Variants in TENM2 observed in about 807,000 individuals in gnomAD.
TENM2 encodes teneurin transmembrane protein 2.
In TENM2, 52 loss-of-function variants were observed where a neutral mutation model predicts 245.2. The observed-to-expected ratio is 0.21, with a 90% CI of 0.17 to 0.27. The LOEUF (loss-of-function observed/expected upper bound fraction) is 0.27, where lower values mean the gene tolerates loss of function less well. Ranked by LOEUF, TENM2 falls within the 10% of genes least tolerant of loss-of-function variation. TENM2 has a pLI of 1.00. For missense variants in TENM2, 3,046 were observed against 3,666.8 expected (o/e 0.83, Z 4.37); for synonymous variants, 1,363 against 1,438.9 (o/e 0.95, Z 1.19).
At chr5:168,015,964 G>A (rs946818331) in intron 5 of TENM2, among the ~76,000 whole-genome samples, 2 of 152,240 alleles carry the variant, frequency 1.3e-5, no homozygotes, top group Non-Finnish European at 2.9e-5. Flanking sequence ...AGGTTGCACC[G>A]CTGGAGAGAA....
chr5:167,730,154 T>C lies in TENM2; in HGVS notation c.503-145832T>C, dbSNP rs575091104. On this transcript the variant is annotated intron_variant, in intron 2 of 28. Coordinates refer to ENST00000518659, the Ensembl canonical transcript of TENM2. Reference sequence around the variant, plus strand: ...AACCGGAACTACTGATAGCTGTTCCTGCAGTGCCGTTGTTCTCATTGGAGC... The same window carrying C: ...AACCGGAACTACTGATAGCTGTTCCCGCAGTGCCGTTGTTCTCATTGGAGC... Among the ~76,000 whole-genome samples, 39 of 152,324 alleles carry C rather than the reference T, an allele frequency of 2.6e-4. 1 individual carries two copies. In the South Asian group the frequency reaches 4.6e-3, roughly 18 times the overall value.
the TENM2 span, among the ~76,000 whole-genome samples, chr5:167,036,051 G>A: frequency 6.6e-6 from 1 of 152,116 alleles, no homozygotes; most frequent in Non-Finnish European, 1.5e-5. Context: ...CCAGATAATA[G>A]GATAGTGGCA....
the TENM2 span, among the ~76,000 whole-genome samples, chr5:167,183,792 C>T: frequency 1.3e-5 from 2 of 152,028 alleles, no homozygotes; most frequent in Non-Finnish European, 2.9e-5. Flanking sequence ...AAAAAAATGG[C>T]CACTTACTGA....
intron 13 of TENM2, chr5:168,186,772 C>T (rs1318346349): frequency 2.0e-5 from 3 of 152,262 alleles, no homozygotes; most frequent in African/African-American, 4.8e-5. Flanking sequence ...GGCCACCTCT[C>T]AGGTCCTGAA....
intron 25 of TENM2, among the ~76,000 whole-genome samples, chr5:168,234,078 C>T (rs560858281): frequency 6.6e-6 from 1 of 152,018 alleles, no homozygotes; most frequent in Non-Finnish European, 1.5e-5. Context: ...CCCTTCCATC[C>T]CATGGCAGGG....
At chr5:167,400,952 G>A (rs905330471) in intron 2 of TENM2, among the ~76,000 whole-genome samples, 9 of 152,050 alleles carry the variant, frequency 5.9e-5, no homozygotes, top group Admixed American at 3.3e-4. Context: ...AAGGCTGGGC[G>A]TGGTGGCTCA....
the TENM2 span, among the ~76,000 whole-genome samples, chr5:167,204,067 C>T: frequency 6.6e-6 from 1 of 151,466 alleles, no homozygotes; most frequent in Admixed American, 6.6e-5. Context: ...GACTGAAGAA[C>T]ATACAGATTT....
At chr5:168,154,973 G>A (rs1442505725) in intron 12 of TENM2, among the ~76,000 whole-genome samples, 1 of 152,096 alleles carries the variant, frequency 6.6e-6, no homozygotes, top group African/African-American at 2.4e-5. Flanking sequence ...CAGGTTCATG[G>A]CTGCGTGTCC....
chr5:167,461,186 T>C (rs1342805061), intron 2 of TENM2, among the ~76,000 whole-genome samples: 1 of 152,146 alleles, frequency 6.6e-6, no homozygotes, highest in Non-Finnish European at 1.5e-5. Context: ...TGTTTTTAAA[T>C]ATTAAGATAT....
chr5:167,162,654 A>G, the TENM2 span, among the ~76,000 whole-genome samples: 1 of 151,882 alleles, frequency 6.6e-6, no homozygotes, highest in East Asian at 1.9e-4. Flanking sequence ...AAAACAAAAA[A>G]AAAACCTCCT....
intron 3 of TENM2, among the ~76,000 whole-genome samples, chr5:167,923,622 T>C (rs992811592): frequency 3.3e-5 from 5 of 152,150 alleles, no homozygotes; most frequent in Admixed American, 6.5e-5. Flanking sequence ...GCATGGTAAA[T>C]GAATGCCACA....
chr5:167,394,551 A>C (rs1761946702), intron 2 of TENM2, among the ~76,000 whole-genome samples: 1 of 152,074 alleles, frequency 6.6e-6, no homozygotes, highest in African/African-American at 2.4e-5. Flanking sequence ...TAGACTTATA[A>C]ATAAATATAA....
the TENM2 span, among the ~76,000 whole-genome samples, chr5:167,242,052 T>G: frequency 5.3e-5 from 8 of 150,586 alleles, no homozygotes; most frequent in Non-Finnish European, 1.0e-4. Context: ...TTTTGTTTTT[T>G]TTTTTTTTTG....
intron 1 of TENM2, chr5:167,308,029 CGCTGTCTCTCTCCT>C (rs1755786039): frequency 1.3e-5 from 2 of 152,380 alleles, no homozygotes; most frequent in South Asian, 4.1e-4. Flanking sequence ...CCTCTTCATC[CGCTGTCTCTCTCCT>C]GCTGTTTCCT....
intron 12 of TENM2, among the ~76,000 whole-genome samples, chr5:168,141,641 C>G (rs1036166853): frequency 2.0e-5 from 3 of 152,156 alleles, no homozygotes; most frequent in Non-Finnish European, 4.4e-5. Context: ...TCAGCTCTTC[C>G]CAGTAGATCA....
intron 2 of TENM2, among the ~76,000 whole-genome samples, chr5:167,471,857 C>T (rs377559185): frequency 2.0e-5 from 3 of 152,294 alleles, no homozygotes; most frequent in East Asian, 1.9e-4. Flanking sequence ...GGAAAAAGAA[C>T]TAGATTAAGT....
Position 168,093,624 on chromosome 5 carries a change from G to C in TENM2, c.1711+2855G>C, listed in dbSNP as rs188336633. Among the ~76,000 whole-genome samples, 6 of 152,278 alleles carry C rather than the reference G, an allele frequency of 3.9e-5. No individual in the cohort carries two copies. In the East Asian group the frequency reaches 1.2e-3, roughly 29 times the overall value. ...GATGTGTTTTGGAGAGAAGCAGCCTGCTTTCAGAAACAAGTTTCTTCTCGA... is the reference window on the plus strand; with the variant it reads ...GATGTGTTTTGGAGAGAAGCAGCCTCCTTTCAGAAACAAGTTTCTTCTCGA... On this transcript the variant is annotated intron_variant, in intron 8 of 28. Transcript: ENST00000518659.
At chr5:167,972,839 T>C (rs568203422) in intron 4 of TENM2, among the ~76,000 whole-genome samples, 24 of 152,274 alleles carry the variant, frequency 1.6e-4, no homozygotes, top group African/African-American at 5.8e-4. Context: ...GAAATGCCAA[T>C]ACCTCTTCTT....
intron 5 of TENM2, among the ~76,000 whole-genome samples, chr5:168,042,662 G>A (rs948426152): frequency 2.0e-5 from 3 of 151,910 alleles, no homozygotes; most frequent in Non-Finnish European, 4.4e-5. Context: ...ATTGCCTTTG[G>A]AACCCACCTG....
Sources: allele counts gnomAD v4.1 joint callset (sites outside exome capture counted in the v4.1 genomes callset), GRCh38; gene constraint gnomAD v4.1.1; transcripts MANE v1.5; gene names NCBI Gene and HGNC (gene_info 2026-07-23, HGNC 2026-07-21).